OLIG3: variants seen among roughly 807,000 people sequenced by gnomAD.
OLIG3 encodes the protein oligodendrocyte transcription factor 3.
A neutral mutation model predicts 14.7 loss-of-function variants in OLIG3; 12 were observed. That is an observed-to-expected ratio of 0.82 (90% CI 0.52 to 1.32). The LOEUF (loss-of-function observed/expected upper bound fraction) is 1.32, where lower values mean the gene tolerates loss of function less well. Among genes scored for constraint, OLIG3 ranks in the 40% most tolerant of loss-of-function variants. OLIG3 has a pLI of 0.00. For synonymous variants in OLIG3, 192 were observed against 171.4 expected (o/e 1.12, Z -0.94); for missense variants, 405 against 373.7 (o/e 1.08, Z -0.69).
rs1783167197 is a variant in OLIG3, at chr6:137,494,280, C to G, written c.-110G>C. On this transcript the variant is annotated 5_prime_UTR_variant, in exon 1 of 1. Coordinates refer to ENST00000367734, the MANE Select transcript of OLIG3 (RefSeq NM_175747.2). Reference sequence around the variant, plus strand: ...CACTGCCCAGGAACCCACTTCTCCGCGGCAAGACGTGAGAAGAAAAGCGGA... The same window carrying G: ...CACTGCCCAGGAACCCACTTCTCCGGGGCAAGACGTGAGAAGAAAAGCGGA... The G allele has an allele frequency of 5.4e-6, 5 of 927,630 alleles. No homozygotes were observed. Among genetic ancestry groups the G allele is most frequent in the Non-Finnish European group, 6.6e-6 (4 of 609,076 alleles). The allele number at this position is 927,630 out of a possible 1,614,324, so 57.5% of individuals were successfully genotyped here.
rs1783150683 is a variant in OLIG3, at chr6:137,493,465, C to A, written c.706G>T (p.Gly236Cys). 4 of 1,577,652 alleles carry A rather than the reference C, an allele frequency of 2.5e-6. No individual in the cohort carries two copies. The highest frequency in any genetic ancestry group is 3.4e-6 in the Non-Finnish European group (4 of 1,166,958). The change falls in exon 1 of 1, where the codon GGT (glycine) becomes TGT (cysteine). Residue 236 changes from glycine (G) to cysteine (C), a missense_variant. Gly to Cys is a radical substitution (Grantham distance 159). Coordinates refer to ENST00000367734, the MANE Select transcript of OLIG3 (RefSeq NM_175747.2). The surrounding 1 kb of genome is among the most constrained non-coding windows in gnomAD (Gnocchi z 6.1). ...QLGSGFQHWAGLPCPCTICQM... is the reference protein window; with the variant it reads ...QLGSGFQHWACLPCPCTICQM... ...CAGATGGTGCAGGGGCAGGGCAGACCAGCCCAGTGCTGGAAGCCGCTGCCC... is the reference window on the plus strand; with the variant it reads ...CAGATGGTGCAGGGGCAGGGCAGACAAGCCCAGTGCTGGAAGCCGCTGCCC...
At position 137,493,157 on chromosome 6, in the gene OLIG3, T is replaced by C; in HGVS notation, c.*195A>G. The C allele has an allele frequency of 1.9e-6, 1 of 521,872 alleles. No homozygotes were observed. Among genetic ancestry groups the C allele is most frequent in the South Asian group, 2.8e-5 (1 of 35,750 alleles). The allele number at this position is 521,872 out of a possible 1,614,324, so 32.3% of individuals were successfully genotyped here. On this transcript the variant is annotated 3_prime_UTR_variant, in exon 1 of 1. Transcript: ENST00000367734. This position sits in a 1 kb window ranked among gnomAD's most constrained non-coding sequence, Gnocchi z 6.1. Reference sequence around the variant, plus strand: ...TCCCCCTTTGCTACCACCTAGAAATTGCGGTTTGATTTTGGTCCTTTCCCT... The same window carrying C: ...TCCCCCTTTGCTACCACCTAGAAATCGCGGTTTGATTTTGGTCCTTTCCCT...
At position 137,493,379 on chromosome 6, in the gene OLIG3, C is replaced by G. The variant is rs557214414; in HGVS notation, c.792G>C (p.Ser264=). The change falls in exon 1 of 1, where the codon TCG becomes TCC. Residue 264 remains serine (S), a synonymous_variant. Transcript: ENST00000367734. The surrounding 1 kb of genome is among the most constrained non-coding windows in gnomAD (Gnocchi z 6.1). The part of the protein sequence containing the change: ...ALSTANMARL[S]AESKDLLK Reference sequence around the variant, plus strand: ...ACTTGAGCAAGTCCTTGGACTCGGCCGACAGCCGGGCCATGTTGGCTGTGG... The same window carrying G: ...ACTTGAGCAAGTCCTTGGACTCGGCGGACAGCCGGGCCATGTTGGCTGTGG... The G allele has an allele frequency of 4.6e-5, 74 of 1,591,676 alleles. No individual in the cohort carries two copies. The South Asian group carries it at 6.0e-4, about 13-fold the overall frequency.
At position 137,493,372 on chromosome 6, in the gene OLIG3, A is replaced by G. The variant is rs117770313; in HGVS notation, c.799T>C (p.Ser267Pro). 10,054 of 1,588,986 alleles carry G rather than the reference A, an allele frequency of 6.3e-3. 391 individuals are homozygous for G. In the East Asian group the frequency reaches 0.1, roughly 16 times the overall value. Residue 267 changes from serine (S) to proline (P), a missense_variant, in exon 1 of 1, where the codon TCC becomes CCC. Around this residue, in one of 3 missense-constraint regions of OLIG3, gnomAD observed 230 missense variants for 178.5 expected, o/e 1.29. Coordinates refer to ENST00000367734, the MANE Select transcript of OLIG3 (RefSeq NM_175747.2). This position sits in a 1 kb window ranked among gnomAD's most constrained non-coding sequence, Gnocchi z 6.1. ...GCTGCTCACTTGAGCAAGTCCTTGG[A>G]CTCGGCCGACAGCCGGGCCATGTTG... ...TANMARLSAESKDLLK is the reference protein window; with the variant it reads ...TANMARLSAEPKDLLK
Position 137,492,234 on chromosome 6 carries a change from T to C in OLIG3, c.*1118A>G, listed in dbSNP as rs2114736961. The C allele has an allele frequency of 6.5e-6, 1 of 152,858 alleles. No individual in the cohort carries two copies. The highest frequency in any genetic ancestry group is 1.9e-4 in the East Asian group (1 of 5,326). 9.5% of individuals were successfully genotyped at this position (152,858 alleles called of 1,614,324 possible). A position where few individuals can be genotyped will look rare whatever the true frequency, so the allele number is the denominator to read the frequency against. On this transcript the variant is annotated 3_prime_UTR_variant, in exon 1 of 1. Transcript: ENST00000367734. ...AGGTTCTTTTTTATTTGAAATCTCA[T>C]CCAGAAACACTGGTTATTAATAAAT...
In OLIG3 at chr6:137,492,202, G is replaced by A. The variant is rs1211975189; in HGVS notation, c.*1150C>T. ...AGATTTTAGGCAAAGGCAAAGCCAC[G>A]ATTTAAAGGTTCTTTTTTATTTGAA... On this transcript the variant is annotated 3_prime_UTR_variant, in exon 1 of 1. Transcript: ENST00000367734. 1 of 152,718 alleles carries A rather than the reference G, an allele frequency of 6.5e-6. No individual in the cohort carries two copies. The highest frequency in any genetic ancestry group is 1.5e-5 in the Non-Finnish European group (1 of 68,038). The allele number at this position is 152,718 out of a possible 1,614,324, so 9.5% of individuals were successfully genotyped here. A position where few individuals can be genotyped will look rare whatever the true frequency, so the allele number is the denominator to read the frequency against.
rs1783163183 is a variant in OLIG3 at position 137,494,063 on chromosome 6, A to G, written c.108T>C (p.Arg36=). The change falls in exon 1 of 1, where the codon CGT becomes CGC. Residue 36 remains arginine, a synonymous_variant. Coordinates refer to ENST00000367734, the MANE Select transcript of OLIG3 (RefSeq NM_175747.2). ...HHRHHHHQES[R]LNSVSSTQGD... is the part of the protein sequence containing the mutation. ...CCTGCGTGGACGAGACCGAGTTGAGACGGCTCTCCTGGTGGTGGTGGTGGC... is the reference window on the plus strand; with the variant it reads ...CCTGCGTGGACGAGACCGAGTTGAGGCGGCTCTCCTGGTGGTGGTGGTGGC... 5.0e-6 allele frequency: 8 copies of G among 1,611,298 alleles called. No individual in the cohort carries two copies. In the East Asian group the frequency reaches 1.6e-4, roughly 31 times the overall value.
chr6:137,493,416 A>T lies in OLIG3; in HGVS notation c.755T>A (p.Leu252Gln). 6.3e-7 allele frequency: 1 copy of T among 1,592,454 alleles called. No individual in the cohort carries two copies. Among genetic ancestry groups the T allele is most frequent in the South Asian group, 1.1e-5 (1 of 89,128 alleles). ...TICQMPPPPH[L>Q]SALSTANMAR... is the part of the protein sequence containing the mutation. ...CATGTTGGCTGTGGAGAGAGCGGAC[A>T]GGTGCGGCGGCGGCGGCATCTGGCA... The change falls in exon 1 of 1, where the codon CTG (leucine) becomes CAG (glutamine). Residue 252 changes from leucine to glutamine, a missense_variant. Physicochemically the swap from Leu to Gln is moderately radical, Grantham distance 113 (BLOSUM62 -2). Coordinates refer to ENST00000367734, the MANE Select transcript of OLIG3 (RefSeq NM_175747.2). The surrounding 1 kb of genome is among the most constrained non-coding windows in gnomAD (Gnocchi z 6.1).
In OLIG3 at chr6:137,493,075, C is replaced by A. The variant is rs139702467; in HGVS notation, c.*277G>T. 9.0e-6 allele frequency: 4 copies of A among 445,962 alleles called. No individual in the cohort carries two copies. Among genetic ancestry groups the A allele is most frequent in the Middle Eastern group, 5.8e-4 (1 of 1,716 alleles). The allele number at this position is 445,962 out of a possible 1,614,324, so 27.6% of individuals were successfully genotyped here. A position where few individuals can be genotyped will look rare whatever the true frequency, so the allele number is the denominator to read the frequency against. On this transcript the variant is annotated 3_prime_UTR_variant, in exon 1 of 1. Coordinates refer to ENST00000367734, the MANE Select transcript of OLIG3 (RefSeq NM_175747.2). The surrounding 1 kb of genome is among the most constrained non-coding windows in gnomAD (Gnocchi z 6.1). ...CAAGAGCATATGGCAGTGAAAAATA[C>A]TGGCGCGGCATGGGGAAAAGAAGCA...
rs552686088 is a variant in OLIG3 at position 137,493,464 on chromosome 6, C to T, written c.707G>A (p.Gly236Asp). 5 of 1,579,624 alleles carry T rather than the reference C, an allele frequency of 3.2e-6. No homozygotes were observed. The East Asian group carries it at 9.1e-5, about 29-fold the overall frequency. Residue 236 changes from glycine to aspartate, a missense_variant, in exon 1 of 1, where the codon GGT becomes GAT. This residue lies in a region of OLIG3 where 230 missense variants were observed against 178.5 expected (regional missense o/e 1.29). Transcript: ENST00000367734. This position sits in a 1 kb window ranked among gnomAD's most constrained non-coding sequence, Gnocchi z 6.1. The stretch of plus-strand genomic sequence containing the variant: ...GCAGATGGTGCAGGGGCAGGGCAGA[C>T]CAGCCCAGTGCTGGAAGCCGCTGCC... ...QLGSGFQHWAGLPCPCTICQM... is the reference protein window; with the variant it reads ...QLGSGFQHWADLPCPCTICQM...
Position 137,493,089 on chromosome 6 carries a change from G to T in OLIG3, c.*263C>A, listed in dbSNP as rs1783142173. 5 of 470,164 alleles carry T rather than the reference G, an allele frequency of 1.1e-5. No homozygotes were observed. The highest frequency in any genetic ancestry group is 1.9e-5 in the Non-Finnish European group (5 of 267,406). 29.1% of individuals were successfully genotyped at this position (470,164 alleles called of 1,614,324 possible). A position where few individuals can be genotyped will look rare whatever the true frequency, so the allele number is the denominator to read the frequency against. On this transcript the variant is annotated 3_prime_UTR_variant, in exon 1 of 1. Coordinates refer to ENST00000367734, the MANE Select transcript of OLIG3 (RefSeq NM_175747.2). This position sits in a 1 kb window ranked among gnomAD's most constrained non-coding sequence, Gnocchi z 6.1. ...AGTGAAAAATACTGGCGCGGCATGG[G>T]GAAAAGAAGCATGCATGCAAAACAC...
rs202061201 is a variant in OLIG3 at position 137,493,886 on chromosome 6, C to A, written c.285G>T (p.Arg95=). ...RLKINGRERK[R]MHDLNLAMDG... ...CCATGGCTAGGTTCAGGTCGTGCAT[C>A]CGCTTGCGTTCGCGTCCGTTGATCT... Residue 95 remains arginine (R), a synonymous_variant, in exon 1 of 1, where the codon CGG becomes CGT. Transcript: ENST00000367734. This position sits in a 1 kb window ranked among gnomAD's most constrained non-coding sequence, Gnocchi z 6.1. 6.2e-7 allele frequency: 1 copy of A among 1,614,268 alleles called. No individual in the cohort carries two copies. The highest frequency in any genetic ancestry group is 2.2e-5 in the East Asian group (1 of 44,882).
rs1472115757 is a variant in OLIG3 at position 137,494,028 on chromosome 6, A to G, written c.143T>C (p.Met48Thr). ...NSVSSTQGDMMQKMPGESLSR... is the reference protein window; with the variant it reads ...NSVSSTQGDMTQKMPGESLSR... The stretch of plus-strand genomic sequence containing the variant: ...GAGGCTTTCCCCGGGCATCTTCTGC[A>G]TCATATCGCCCTGCGTGGACGAGAC... The change falls in exon 1 of 1, where the codon ATG (methionine) becomes ACG (threonine). Residue 48 changes from methionine to threonine, a missense_variant. Transcript: ENST00000367734. The G allele has an allele frequency of 6.2e-7, 1 of 1,612,838 alleles. No homozygotes were observed.
Position 137,493,300 on chromosome 6 carries a change from C to A in OLIG3, c.*52G>T. 7.0e-7 allele frequency: 1 copy of A among 1,418,876 alleles called. No homozygotes were observed. Among genetic ancestry groups the A allele is most frequent in the Non-Finnish European group, 9.3e-7 (1 of 1,079,736 alleles). The allele number at this position is 1,418,876 out of a possible 1,614,324, so 87.9% of individuals were successfully genotyped here. A position where few individuals can be genotyped will look rare whatever the true frequency, so the allele number is the denominator to read the frequency against. On this transcript the variant is annotated 3_prime_UTR_variant, in exon 1 of 1. Coordinates refer to ENST00000367734, the MANE Select transcript of OLIG3 (RefSeq NM_175747.2). The surrounding 1 kb of genome is among the most constrained non-coding windows in gnomAD (Gnocchi z 6.1). Reference sequence around the variant, plus strand: ...CCTCTTCCCTCCCGGCCCGGCACCGCGGCCCCTCCCGCCGCTCTCCCTCCT... The same window carrying A: ...CCTCTTCCCTCCCGGCCCGGCACCGAGGCCCCTCCCGCCGCTCTCCCTCCT...
rs1582754491 is a variant in OLIG3, at chr6:137,494,345, C to G, written c.-175G>C. On this transcript the variant is annotated 5_prime_UTR_variant, in exon 1 of 1. Coordinates refer to ENST00000367734, the MANE Select transcript of OLIG3 (RefSeq NM_175747.2). ...CCGCCTCTCTCCCTCCCACGCCCCTCTCTCTGGTTAGGCTGCTTCCTGGAC... is the reference window on the plus strand; with the variant it reads ...CCGCCTCTCTCCCTCCCACGCCCCTGTCTCTGGTTAGGCTGCTTCCTGGAC... 3 of 641,604 alleles carry G rather than the reference C, an allele frequency of 4.7e-6. No individual in the cohort carries two copies. The highest frequency in any genetic ancestry group is 2.7e-5 in the East Asian group (1 of 36,640). The allele number at this position is 641,604 out of a possible 1,614,324, so 39.7% of individuals were successfully genotyped here.
At position 137,493,498 on chromosome 6, in the gene OLIG3, G is replaced by A. The variant is rs374226571; in HGVS notation, c.673C>T (p.Leu225=). Reference sequence around the variant, plus strand: ...TGCTGGAAGCCGCTGCCCAGCTGCAGCGCGGGCGGCGTGGAGGGCGCCTTG... The same window carrying A: ...TGCTGGAAGCCGCTGCCCAGCTGCAACGCGGGCGGCGTGGAGGGCGCCTTG... ...LLKAPSTPPA[L]QLGSGFQHWA... Residue 225 remains leucine, a synonymous_variant, in exon 1 of 1, where the codon CTG becomes TTG. Transcript: ENST00000367734. The surrounding 1 kb of genome is among the most constrained non-coding windows in gnomAD (Gnocchi z 6.1). The A allele has an allele frequency of 1.9e-6, 3 of 1,572,322 alleles. No homozygotes were observed. The highest frequency in any genetic ancestry group is 2.6e-6 in the Non-Finnish European group (3 of 1,162,780).
Position 137,492,670 on chromosome 6 carries a change from A to G in OLIG3, c.*682T>C, listed in dbSNP as rs1212025381. ...AAATCCTTGTTACAAGGAAAACGGC[A>G]CCACAGCCTGCACGACATATTCAGA... is the stretch of plus-strand genomic sequence containing the variant. On this transcript the variant is annotated 3_prime_UTR_variant, in exon 1 of 1. Transcript: ENST00000367734. The G allele has an allele frequency of 6.5e-6, 1 of 152,776 alleles. No individual in the cohort carries two copies. The highest frequency in any genetic ancestry group is 1.5e-5 in the Non-Finnish European group (1 of 68,046). 9.5% of individuals were successfully genotyped at this position (152,776 alleles called of 1,614,324 possible). A position where few individuals can be genotyped will look rare whatever the true frequency, so the allele number is the denominator to read the frequency against.
Position 137,493,376 on chromosome 6 carries a change from G to A in OLIG3, c.795C>T (p.Ala265=), listed in dbSNP as rs768119713. ...CTCACTTGAGCAAGTCCTTGGACTCGGCCGACAGCCGGGCCATGTTGGCTG... is the reference window on the plus strand; with the variant it reads ...CTCACTTGAGCAAGTCCTTGGACTCAGCCGACAGCCGGGCCATGTTGGCTG... The part of the protein sequence containing the change: ...LSTANMARLS[A]ESKDLLK Residue 265 remains alanine, a synonymous_variant, in exon 1 of 1, where the codon GCC becomes GCT. Transcript: ENST00000367734. The surrounding 1 kb of genome is among the most constrained non-coding windows in gnomAD (Gnocchi z 6.1). The A allele has an allele frequency of 1.9e-6, 3 of 1,590,442 alleles. No homozygotes were observed. The African/African-American group carries it at 4.0e-5, about 21-fold the overall frequency.
Position 137,493,462 on chromosome 6 carries a change from G to A in OLIG3, c.709C>T (p.Leu237=), listed in dbSNP as rs1176017771. Reference sequence around the variant, plus strand: ...TGGCAGATGGTGCAGGGGCAGGGCAGACCAGCCCAGTGCTGGAAGCCGCTG... The same window carrying A: ...TGGCAGATGGTGCAGGGGCAGGGCAAACCAGCCCAGTGCTGGAAGCCGCTG... The part of the protein sequence containing the change: ...LGSGFQHWAG[L]PCPCTICQMP... The change falls in exon 1 of 1, where the codon CTG becomes TTG. Residue 237 remains leucine, a synonymous_variant. Coordinates refer to ENST00000367734, the MANE Select transcript of OLIG3 (RefSeq NM_175747.2). This position sits in a 1 kb window ranked among gnomAD's most constrained non-coding sequence, Gnocchi z 6.1. 2 of 1,579,918 alleles carry A rather than the reference G, an allele frequency of 1.3e-6. No homozygotes were observed. The highest frequency in any genetic ancestry group is 1.8e-5 in the Admixed American group (1 of 56,362).
Sources: gnomAD v4.1 joint callset for allele counts on GRCh38, gnomAD v4.1.1 for gene constraint, gnomAD v4.1.1 regional missense constraint, Gnocchi (gnomAD v3.1) non-coding constraint, MANE v1.5 for transcripts, NCBI Gene and HGNC (gene_info 2026-07-23, HGNC 2026-07-21) for gene names.